The following GATA4 variants were observed in gnomAD, a reference collection of about 807,000 sequenced individuals.
The protein encoded by GATA4 is transcription factor GATA-4.
Under a neutral mutation model 37.9 loss-of-function variants are expected in GATA4, and 7 were observed. That is an observed-to-expected ratio of 0.18 (90% CI 0.11 to 0.35). The LOEUF (loss-of-function observed/expected upper bound fraction) is 0.35. Ranked by LOEUF, GATA4 falls within the 10% of genes least tolerant of loss-of-function variation. GATA4 has a pLI of 1.00. For synonymous variants in GATA4, 372 were observed against 292.6 expected, an observed-to-expected ratio of 1.27 and a Z score of -2.77; for missense variants, 647 against 653.0, an observed-to-expected ratio of 0.99 and a Z score of 0.10.
intron 1 of GATA4, among the ~76,000 whole-genome samples, chr8:11,693,562 C>CACACAGAGAGAGAGAG (rs1405047773): frequency 4.2e-5 from 3 of 72,146 alleles, no homozygotes; most frequent in African/African-American, 5.1e-5. Context: ...CACACACACA[C>CACACAGAGAGAGAGAG]AGAGAGAGAG....
intron 5 of GATA4, among the ~76,000 whole-genome samples, chr8:11,755,399 A>G (rs969423424): frequency 6.6e-6 from 1 of 152,214 alleles, no homozygotes. Context: ...CTCAGGCTGG[A>G]CCAGCCGAGG....
intron 1 of GATA4, chr8:11,692,743 C>T (rs1487074935): frequency 1.0e-6 from 1 of 983,368 alleles, no homozygotes; most frequent in Admixed American, 6.2e-5. Context: ...GGGACCCACG[C>T]GAGGGCGCGG....
At chr8:11,683,223 G>A in intron 1 of GATA4, 2 of 774,982 alleles carry the variant, frequency 2.6e-6, no homozygotes, top group Non-Finnish European at 3.1e-6. Context: ...TATCCGGAGC[G>A]GGGGAGGACG....
At chr8:11,718,542 A>T (rs1021954207) in intron 2 of GATA4, among the ~76,000 whole-genome samples, 1 of 152,226 alleles carries the variant, frequency 6.6e-6, no homozygotes, top group African/African-American at 2.4e-5. Context: ...TTGGAGGATA[A>T]AAAATCAAGA....
At chr8:11,703,031 C>G (rs943631383), upstream of GATA4, among the ~76,000 whole-genome samples, 23 of 152,316 alleles carry the variant, frequency 1.5e-4, no homozygotes, top group African/African-American at 5.3e-4. Context: ...TGGGAATCCA[C>G]GATTGATTTC....
intron 1 of GATA4, among the ~76,000 whole-genome samples, chr8:11,704,941 A>C (rs1799826267): frequency 6.6e-6 from 1 of 152,096 alleles, no homozygotes; most frequent in South Asian, 2.1e-4. Flanking sequence ...CGCTGCTTCT[A>C]CCTGAAACTG....
intron 2 of GATA4, among the ~76,000 whole-genome samples, chr8:11,723,376 C>T (rs1363027529): frequency 1.3e-5 from 2 of 151,922 alleles, no homozygotes; most frequent in African/African-American, 4.8e-5. Flanking sequence ...TGGGTTTAAA[C>T]AAGCATGATG....
intron 5 of GATA4, chr8:11,756,662 A>G: frequency 1.9e-6 from 1 of 535,188 alleles, no homozygotes; most frequent in South Asian, 2.1e-5. Context: ...GGATTTTTAA[A>G]AATGTGAATC....
intron 2 of GATA4, among the ~76,000 whole-genome samples, chr8:11,716,768 T>C (rs1386579317): frequency 6.6e-6 from 1 of 152,222 alleles, no homozygotes; most frequent in Non-Finnish European, 1.5e-5. Flanking sequence ...GGTGGGATTG[T>C]GTGAAGAACA....
upstream of GATA4, among the ~76,000 whole-genome samples, chr8:11,703,717 A>C (rs115367741): frequency 0.032 from 4,930 of 152,270 alleles, 219 homozygotes; most frequent in African/African-American, 0.094. Flanking sequence ...CTGAACCTCC[A>C]AGGAATCCGG....
chr8:11,758,353 C>G lies in GATA4; in HGVS notation c.1210C>G (p.Leu404Val). 2 of 1,614,228 alleles carry G rather than the reference C, an allele frequency of 1.2e-6. No homozygotes were observed. The highest frequency in any genetic ancestry group is 1.7e-6 in the Non-Finnish European group (2 of 1,180,032). Residue 404 changes from leucine (L) to valine (V), a missense_variant, in exon 7 of 7, where the codon CTG becomes GTG. Transcript: ENST00000532059. Reference sequence around the variant, plus strand: ...CTCCATCCACCCTGTCCTCTCGGCCCTGAAGCTCTCCCCACAAGGCTATGC... The same window carrying G: ...CTCCATCCACCCTGTCCTCTCGGCCGTGAAGCTCTCCCCACAAGGCTATGC... ...GPSIHPVLSA[L>V]KLSPQGYASP...
At position 11,709,176 on chromosome 8, in the gene GATA4, G is replaced by A. The variant is rs905380152; in HGVS notation, c.616+248G>A. On this transcript the variant is annotated intron_variant, in intron 2 of 6. Transcript: ENST00000532059. This position sits in a 1 kb window ranked among gnomAD's most constrained non-coding sequence, Gnocchi z 4.3. ...CTCTTCTGAGATGGTGTCAGGGTCG[G>A]AGTGCGGCCTCCCCGCCATCCCAGA... Among the ~76,000 whole-genome samples the A allele has an allele frequency of 2.0e-5, 3 of 152,216 alleles. No homozygotes were observed. Among genetic ancestry groups the A allele is most frequent in the Non-Finnish European group, 2.9e-5 (2 of 68,036 alleles).
upstream of GATA4, among the ~76,000 whole-genome samples, chr8:11,700,134 C>T (rs565567002): frequency 2.6e-5 from 4 of 152,152 alleles, no homozygotes; most frequent in South Asian, 8.3e-4. Flanking sequence ...ATTGTTGTTC[C>T]CTAGAGAAAA....
intron 2 of GATA4, among the ~76,000 whole-genome samples, chr8:11,731,759 A>G (rs1801222980): frequency 6.6e-6 from 1 of 152,240 alleles, no homozygotes. Context: ...CAATTTAAAG[A>G]AGAGAAAAAT....
At chr8:11,726,217 C>T (rs746872346) in intron 2 of GATA4, among the ~76,000 whole-genome samples, 10 of 152,274 alleles carry the variant, frequency 6.6e-5, no homozygotes, top group South Asian at 2.1e-4. Flanking sequence ...ACATCTTCGG[C>T]GGGAGCGGAG....
At chr8:11,753,827 C>T (rs1468572228) in intron 4 of GATA4, among the ~76,000 whole-genome samples, 1 of 152,166 alleles carries the variant, frequency 6.6e-6, no homozygotes, top group African/African-American at 2.4e-5. Context: ...GCAGGTGTGG[C>T]CTTTATCAAT....
chr8:11,720,588 G>C (rs754101166), intron 2 of GATA4, among the ~76,000 whole-genome samples: 1 of 151,892 alleles, frequency 6.6e-6, no homozygotes, highest in Non-Finnish European at 1.5e-5. Flanking sequence ...TTTTCTACTC[G>C]TCTCCCTCCT....
chr8:11,685,239 G>A (rs981962266), intron 1 of GATA4, among the ~76,000 whole-genome samples: 2 of 152,180 alleles, frequency 1.3e-5, no homozygotes, highest in Non-Finnish European at 2.9e-5. Context: ...TCTTAAGAAA[G>A]AAAAAGTAGA....
rs570058215 is a variant in GATA4 at position 11,708,461 on chromosome 8, G to C, written c.149G>C (p.Gly50Ala). 1.3e-6 allele frequency: 2 copies of C among 1,531,154 alleles called. No individual in the cohort carries two copies. The highest frequency in any genetic ancestry group is 4.9e-5 in the East Asian group (2 of 40,692). The allele number at this position is 1,531,154 out of a possible 1,614,324, so 94.8% of individuals were successfully genotyped here. ...PTPRVPSSVL[G>A]LSYLQGGGAG... ...CCGCGGGTGCCCTCCTCCGTGCTGG[G>C]CCTGTCCTACCTCCAGGGCGGAGGC... Residue 50 changes from glycine (G) to alanine (A), a missense_variant, in exon 2 of 7, where the codon GGC becomes GCC. Physicochemically the swap from Gly to Ala is moderately conservative, Grantham distance 60 (BLOSUM62 0). Around this residue, in one of 5 missense-constraint regions of GATA4, gnomAD observed 379 missense variants for 334.5 expected, o/e 1.13. Coordinates refer to ENST00000532059, the MANE Select transcript of GATA4 (RefSeq NM_001308093.3). The surrounding 1 kb of genome is among the most constrained non-coding windows in gnomAD (Gnocchi z 6.7).
Sources: allele counts gnomAD v4.1 joint callset (sites outside exome capture counted in the v4.1 genomes callset), GRCh38; gene constraint gnomAD v4.1.1; regional missense constraint gnomAD v4.1.1; non-coding constraint Gnocchi (gnomAD v3.1); transcripts MANE v1.5; gene names NCBI Gene and HGNC (gene_info 2026-07-23, HGNC 2026-07-21).